The following ARHGEF37 variants were observed in gnomAD, a reference collection of about 807,000 sequenced individuals.
The protein encoded by ARHGEF37 is Rho guanine nucleotide exchange factor 37.
In ARHGEF37, 55 loss-of-function variants were observed where a neutral mutation model predicts 71.1. That is an observed-to-expected ratio of 0.77 (90% CI 0.62 to 0.97). ARHGEF37 has a LOEUF of 0.97. ARHGEF37 is among the 50% of genes least tolerant of loss of function. ARHGEF37 has a pLI of 0.00. For missense variants in ARHGEF37, 765 were observed against 836.8 expected (o/e 0.91, Z 1.06); for synonymous variants, 327 against 350.6 (o/e 0.93, Z 0.75).
At chr5:149,616,413 C>G (rs1399160351) in intron 4 of ARHGEF37, among the ~76,000 whole-genome samples, 154 bp from the exon 5 acceptor site, 1 of 152,140 alleles carries the variant, frequency 6.6e-6, no homozygotes, top group Non-Finnish European at 1.5e-5. Context: ...CTAGAACTCA[C>G]AAGTTACAGA....
At chr5:149,625,746 C>T (rs1323335893) in intron 10 of ARHGEF37, among the ~76,000 whole-genome samples, 2 of 151,002 alleles carry the variant, frequency 1.3e-5, no homozygotes, top group African/African-American at 4.9e-5. Context: ...CACCCCTTCC[C>T]ACCCTCCCAC....
intron 4 of ARHGEF37, among the ~76,000 whole-genome samples, chr5:149,614,954 T>C (rs1381579269): frequency 6.6e-6 from 1 of 152,112 alleles, no homozygotes; most frequent in African/African-American, 2.4e-5. Context: ...TTTGAAACCT[T>C]TGTGGCTTTC....
chr5:149,579,234 A>C (rs1299561103), upstream of ARHGEF37, among the ~76,000 whole-genome samples: 1 of 152,198 alleles, frequency 6.6e-6, no homozygotes, highest in African/African-American at 2.4e-5. Context: ...CTGGTCAGGC[A>C]CATACACACT....
chr5:149,608,119 G>A (rs1763968806), intron 3 of ARHGEF37, among the ~76,000 whole-genome samples: 1 of 152,040 alleles, frequency 6.6e-6, no homozygotes, highest in Admixed American at 6.6e-5. Context: ...TGATCAGTTA[G>A]GGTGGGGCAG....
rs71587785 is a variant in ARHGEF37, at chr5:149,615,305, AT to A, written c.459-1247del. ...GAGTAGCCACCACCATGCCTAGTTA[AT>A]TTTTTTTTTTTTTTGAAGCAGAGGT... is the stretch of plus-strand genomic sequence containing the variant. On this transcript the variant is annotated intron_variant, in intron 4 of 12. Transcript: ENST00000333677. 4.1e-3 allele frequency among the ~76,000 whole-genome samples: 574 copies of A among 141,708 alleles called. 1 individual carries two copies. Among genetic ancestry groups the A allele is most frequent in the African/African-American group, 7.6e-3 (292 of 38,442 alleles). 93.0% of individuals were successfully genotyped at this position (141,708 alleles called of 152,430 possible).
At chr5:149,554,961 C>T (rs1762733237) in intron 1 of ARHGEF37, among the ~76,000 whole-genome samples, 3 of 151,858 alleles carry the variant, frequency 2.0e-5, no homozygotes, top group Admixed American at 1.3e-4. Flanking sequence ...GAAACCCCGT[C>T]TATACTAAAA....
At chr5:149,623,790 A>G (rs1752605054) in intron 9 of ARHGEF37, among the ~76,000 whole-genome samples, 1 of 152,160 alleles carries the variant, frequency 6.6e-6, no homozygotes, top group Non-Finnish European at 1.5e-5. Flanking sequence ...ACTAAGAACA[A>G]TGAGTTTGGT....
At chr5:149,597,269 A>ATT (rs1006607873) in intron 1 of ARHGEF37, among the ~76,000 whole-genome samples, 7 of 150,978 alleles carry the variant, frequency 4.6e-5, no homozygotes, top group South Asian at 4.2e-4. Flanking sequence ...TTAAAAAAAA[A>ATT]TTTTTTTTGT....
chr5:149,562,663 G>A (rs1762848628), intron 1 of ARHGEF37, among the ~76,000 whole-genome samples: 1 of 152,088 alleles, frequency 6.6e-6, no homozygotes, highest in Non-Finnish European at 1.5e-5. Flanking sequence ...AGCCAGGATG[G>A]TCTTGATCTC....
chr5:149,626,994 G>A (rs766239898), intron 10 of ARHGEF37, 82 bp from the exon 11 acceptor site: 2 of 1,453,858 alleles, frequency 1.4e-6, no homozygotes, highest in Admixed American at 1.9e-5. Flanking sequence ...ACTCCTGGCT[G>A]TCAAAATGTG....
chr5:149,624,520 T>C (rs185998457), intron 10 of ARHGEF37, among the ~76,000 whole-genome samples: 78 of 152,328 alleles, frequency 5.1e-4, no homozygotes, highest in African/African-American at 1.7e-3. Context: ...ACACCTGTAA[T>C]CTCAGCACTT....
chr5:149,593,190 G>A (rs948772081), intron 1 of ARHGEF37, among the ~76,000 whole-genome samples: 1 of 152,166 alleles, frequency 6.6e-6, no homozygotes, highest in Non-Finnish European at 1.5e-5. Flanking sequence ...ATATCATATG[G>A]TTTGCCCATT....
chr5:149,559,414 A>G (rs777876617), intron 1 of ARHGEF37, among the ~76,000 whole-genome samples: 2 of 152,246 alleles, frequency 1.3e-5, no homozygotes, highest in Non-Finnish European at 2.9e-5. Flanking sequence ...ACCTGTTTCC[A>G]TATAACTAAT....
chr5:149,560,415 A>G (rs1762814661), intron 1 of ARHGEF37, among the ~76,000 whole-genome samples: 1 of 152,060 alleles, frequency 6.6e-6, no homozygotes, highest in Non-Finnish European at 1.5e-5. Flanking sequence ...CACCTGGCCT[A>G]TATTATTCTT....
At chr5:149,570,243 A>G (rs1005089725) in intron 1 of ARHGEF37, among the ~76,000 whole-genome samples, 16 of 152,302 alleles carry the variant, frequency 1.1e-4, no homozygotes, top group African/African-American at 3.8e-4. Flanking sequence ...ATATGTCTCT[A>G]TACTAGCAAC....
chr5:149,597,561 A>G (rs553371614), intron 1 of ARHGEF37, among the ~76,000 whole-genome samples, 198 bp from the exon 2 acceptor site: 1 of 152,298 alleles, frequency 6.6e-6, no homozygotes, highest in East Asian at 1.9e-4. Context: ...CTAAAATGTC[A>G]AGAGTTATCA....
intron 1 of ARHGEF37, among the ~76,000 whole-genome samples, chr5:149,583,058 A>C (rs1009134510): frequency 5.9e-5 from 9 of 152,358 alleles, no homozygotes; most frequent in Admixed American, 1.3e-4. Flanking sequence ...AAACTACCAG[A>C]TACTGTAACA....
chr5:149,553,864 T>C (rs1262297073), intron 1 of ARHGEF37, among the ~76,000 whole-genome samples: 1 of 152,198 alleles, frequency 6.6e-6, no homozygotes, highest in Non-Finnish European at 1.5e-5. Flanking sequence ...TTTTAAAATA[T>C]TCTTGCTCGG....
At chr5:149,627,877 GGGGA>G (rs1361033396) in intron 11 of ARHGEF37, among the ~76,000 whole-genome samples, 38 of 152,324 alleles carry the variant, frequency 2.5e-4, no homozygotes, top group Non-Finnish European at 4.1e-4. Flanking sequence ...ATTATTGTCA[GGGGA>G]TCCACAGACA....
Sources: allele counts gnomAD v4.1 joint callset (sites outside exome capture counted in the v4.1 genomes callset), GRCh38; gene constraint gnomAD v4.1.1; transcripts MANE v1.5; gene names NCBI Gene and HGNC (gene_info 2026-07-23, HGNC 2026-07-21).